The following B4GALT4 variants were observed in gnomAD, a reference collection of about 807,000 sequenced individuals.
B4GALT4 encodes the protein N-acetyllactosamine synthase.
Under a neutral mutation model 37.3 loss-of-function variants are expected in B4GALT4, and 27 were observed. The observed-to-expected ratio is 0.72, with a 90% CI of 0.53 to 1.00. The LOEUF (loss-of-function observed/expected upper bound fraction) is 1.00, where lower values mean the gene tolerates loss of function less well. Ranked by LOEUF, B4GALT4 falls within the 50% of genes least tolerant of loss-of-function variation. B4GALT4 has a pLI of 0.00. For synonymous variants in B4GALT4, 148 were observed against 154.1 expected (o/e 0.96, Z 0.29); for missense variants, 372 against 413.1 (o/e 0.90, Z 0.86).
At chr3:119,228,252 C>T (rs1002523084) in intron 3 of B4GALT4, among the ~76,000 whole-genome samples, 5 of 152,166 alleles carry the variant, frequency 3.3e-5, no homozygotes, top group African/African-American at 9.7e-5. Context: ...ACTAGTCCCC[C>T]GGCTCACCTT....
chr3:119,230,424 C>A (rs1287770547), intron 2 of B4GALT4, 180 bp from the exon 3 acceptor site: 2 of 312,990 alleles, frequency 6.4e-6, no homozygotes, highest in Non-Finnish European at 6.0e-6. Context: ...AGCATCAATA[C>A]ATCACAGAAG....
rs72655930 is a variant in B4GALT4 at position 119,230,181 on chromosome 3, T to G, written c.-82A>C. The G allele has an allele frequency of 1.5e-4, 231 of 1,538,640 alleles. No homozygotes were observed. Among genetic ancestry groups the G allele is most frequent in the Non-Finnish European group, 1.9e-4 (219 of 1,132,954 alleles). On this transcript the variant is annotated 5_prime_UTR_variant, in exon 3 of 8. Coordinates refer to ENST00000393765, the MANE Select transcript of B4GALT4 (RefSeq NM_003778.4). ...TCAAGTTGAGCTTTTCCAATCTGAT[T>G]GCGAACTTGATGACAACTGAAGATA...
intron 6 of B4GALT4, among the ~76,000 whole-genome samples, chr3:119,217,152 A>G (rs6438504): frequency 0.33 from 50,493 of 152,184 alleles, 8,481 homozygotes; most frequent in Middle Eastern, 0.44. Flanking sequence ...AAGCTGAAGC[A>G]TAGCAGGAAA....
chr3:119,214,221 A>G (rs9836230), intron 7 of B4GALT4: 16,489 of 152,246 alleles, frequency 0.11, 1,031 homozygotes, highest in East Asian at 0.24. Context: ...ACCCTGCCTC[A>G]GAAAAAAATA....
chr3:119,225,984 T>C (rs549387022), intron 4 of B4GALT4, among the ~76,000 whole-genome samples: 2 of 152,324 alleles, frequency 1.3e-5, no homozygotes, highest in African/African-American at 4.8e-5. Flanking sequence ...CAAAGTTTTA[T>C]CTAAAAGAAA....
chr3:119,224,740 A>T (rs1382215022), intron 4 of B4GALT4, among the ~76,000 whole-genome samples: 1 of 152,224 alleles, frequency 6.6e-6, no homozygotes, highest in Non-Finnish European at 1.5e-5. Flanking sequence ...TTTTAAAAGC[A>T]GCTTTAAAAT....
At chr3:119,237,756 A>C (rs191961231) in intron 1 of B4GALT4, among the ~76,000 whole-genome samples, 2 of 152,360 alleles carry the variant, frequency 1.3e-5, no homozygotes, top group Non-Finnish European at 2.9e-5. Flanking sequence ...TTAGAAATGT[A>C]TTCTAAGAAA....
rs767510519 is a variant in B4GALT4 at position 119,216,237 on chromosome 3, T to TA, written c.902+2dup. On this transcript the variant is annotated splice_region_variant and intron_variant, in intron 7 of 7. Transcript: ENST00000393765. ...CTGCTAGGCAGGTGAAGCCAGGACT[T>TA]ACCGTTCTGCGTTCACCTCATTGCC... The TA allele has an allele frequency of 1.7e-4, 275 of 1,608,288 alleles. No homozygotes were observed. Among genetic ancestry groups the TA allele is most frequent in the Non-Finnish European group, 2.3e-4 (266 of 1,176,608 alleles).
At chr3:119,236,381 T>A (rs1252187641) in intron 2 of B4GALT4, 2 of 152,086 alleles carry the variant, frequency 1.3e-5, no homozygotes, top group East Asian at 3.9e-4. Flanking sequence ...GTTAATAGTA[T>A]TGATCAATGT....
chr3:119,231,991 T>C (rs1408655219), intron 2 of B4GALT4, among the ~76,000 whole-genome samples: 1 of 151,772 alleles, frequency 6.6e-6, no homozygotes, highest in African/African-American at 2.4e-5. Flanking sequence ...AGAGAGGCAG[T>C]AAGTAACTGT....
chr3:119,217,454 A>T (rs35625431), intron 6 of B4GALT4, among the ~76,000 whole-genome samples: 35,891 of 152,162 alleles, frequency 0.24, 4,790 homozygotes, highest in Middle Eastern at 0.37. Flanking sequence ...ACATGGGAAC[A>T]AGAGCAGCAT....
intron 2 of B4GALT4, among the ~76,000 whole-genome samples, chr3:119,230,539 C>T (rs1226585247): frequency 6.6e-6 from 1 of 152,202 alleles, no homozygotes; most frequent in East Asian, 1.9e-4. Context: ...ACTGCAAAGA[C>T]CTGAGCTGGA....
At chr3:119,226,417 A>C (rs1235802287) in intron 4 of B4GALT4, 2 of 218,492 alleles carry the variant, frequency 9.2e-6, no homozygotes, top group African/African-American at 4.6e-5. Context: ...TCCTCTGTCT[A>C]GATCCCCATT....
At chr3:119,239,060 C>T (rs1207848725) in intron 1 of B4GALT4, among the ~76,000 whole-genome samples, 1 of 152,032 alleles carries the variant, frequency 6.6e-6, no homozygotes, top group Non-Finnish European at 1.5e-5. Flanking sequence ...TGCCTGGGCC[C>T]ATGGTACACA....
intron 5 of B4GALT4, among the ~76,000 whole-genome samples, 157 bp from the exon 6 acceptor site, chr3:119,218,929 TC>T (rs2078368752): frequency 6.6e-6 from 1 of 152,000 alleles, no homozygotes; most frequent in Non-Finnish European, 1.5e-5. Flanking sequence ...CTCCTGGCCT[TC>T]CCTGTCTTGT....
chr3:119,218,856 G>A, intron 5 of B4GALT4, 84 bp from the exon 6 acceptor site: 2 of 1,527,030 alleles, frequency 1.3e-6, no homozygotes, highest in South Asian at 1.2e-5. Flanking sequence ...AGGAACACCT[G>A]GGAGACCATG....
In B4GALT4 at chr3:119,211,915, G is replaced by T; in HGVS notation, c.*634C>A. 2.0e-6 allele frequency: 1 copy of T among 497,494 alleles called. No individual in the cohort carries two copies. Among genetic ancestry groups the T allele is most frequent in the Non-Finnish European group, 3.6e-6 (1 of 280,648 alleles). 30.8% of individuals were successfully genotyped at this position (497,494 alleles called of 1,614,324 possible). A position where few individuals can be genotyped will look rare whatever the true frequency, so the allele number is the denominator to read the frequency against. On this transcript the variant is annotated 3_prime_UTR_variant, in exon 8 of 8. Transcript: ENST00000393765. ...TGGGCATCACTGGAAGGCATACCTG[G>T]GCAGGTCCTCCCCTGAAGGCTATCA...
rs2078753400 is a variant in B4GALT4 at position 119,229,886 on chromosome 3, C to A, written c.214G>T (p.Val72Leu). The A allele has an allele frequency of 6.2e-7, 1 of 1,614,058 alleles. No individual in the cohort carries two copies. The highest frequency in any genetic ancestry group is 1.3e-5 in the African/African-American group (1 of 74,914). Residue 72 changes from valine to leucine, a missense_variant, in exon 3 of 8, where the codon GTA (valine) becomes TTA (leucine). Val to Leu is a conservative substitution (Grantham distance 32). Transcript: ENST00000393765. Reference protein sequence around the residue: ...TLTNEASTKKVELDNCPSVSP... With the variant: ...TLTNEASTKKLELDNCPSVSP... Reference sequence around the variant, plus strand: ...ACAGAAGGGCAGTTGTCAAGTTCTACCTTCTTCGTGGATGCTTCATTAGTC... The same window carrying A: ...ACAGAAGGGCAGTTGTCAAGTTCTAACTTCTTCGTGGATGCTTCATTAGTC...
intron 2 of B4GALT4, among the ~76,000 whole-genome samples, chr3:119,234,216 C>A (rs986263644): frequency 1.5e-4 from 23 of 152,230 alleles, no homozygotes; most frequent in African/African-American, 5.3e-4. Context: ...CTCCCAGGTT[C>A]AAGCGATTCT....
Sources: allele counts gnomAD v4.1 joint callset (sites outside exome capture counted in the v4.1 genomes callset), GRCh38; gene constraint gnomAD v4.1.1; transcripts MANE v1.5; gene names NCBI Gene and HGNC (gene_info 2026-07-23, HGNC 2026-07-21).